AGO1: variants seen among roughly 807,000 people sequenced by gnomAD.
AGO1 encodes protein argonaute-1.
In AGO1, 11 loss-of-function variants were observed where a neutral mutation model predicts 109.2. The observed-to-expected ratio is 0.10, with a 90% CI of 0.06 to 0.17. The LOEUF is 0.17. Among genes scored for constraint, AGO1 ranks in the 10% least tolerant of loss-of-function variants. The pLI is 1.00. For missense variants in AGO1, 574 were observed against 1,140.3 expected (o/e 0.50, Z 7.15); for synonymous variants, 422 against 418.6 (o/e 1.01, Z -0.10).
At chr1:35,876,409 G>A (rs1644993117) in intron 1 of AGO1, among the ~76,000 whole-genome samples, 1 of 151,996 alleles carries the variant, frequency 6.6e-6, no homozygotes, top group Admixed American at 6.6e-5. Context: ...TGGGACTACA[G>A]GCGCCTGCCA....
chr1:35,919,466 C>G lies in AGO1; in HGVS notation c.2466-33C>G. On this transcript the variant is annotated intron_variant, in intron 18 of 18. Transcript: ENST00000373204. The surrounding 1 kb of genome is among the most constrained non-coding windows in gnomAD (Gnocchi z 6.6). ...GAATTAGCAGCAGCTCTCAGTTCACCAGGAAGGACTTCTTTCATTTTTTCC... is the reference window on the plus strand; with the variant it reads ...GAATTAGCAGCAGCTCTCAGTTCACGAGGAAGGACTTCTTTCATTTTTTCC... 1 of 1,584,466 alleles carries G rather than the reference C, an allele frequency of 6.3e-7. No individual in the cohort carries two copies.
intron 3 of AGO1, 100 bp from the exon 4 acceptor site, chr1:35,892,996 CT>C (rs1327535349): frequency 8.2e-7 from 1 of 1,214,272 alleles, no homozygotes; most frequent in East Asian, 2.5e-5. Context: ...TTATGAGCCC[CT>C]ATCAACTTGA....
rs1263224418 is a variant in AGO1 at position 35,929,681 on chromosome 1, G to A, written c.*10074G>A. 3 of 152,180 alleles carry A rather than the reference G, an allele frequency of 2.0e-5. No individual in the cohort carries two copies. Among genetic ancestry groups the A allele is most frequent in the Admixed American group, 6.5e-5 (1 of 15,284 alleles). 9.4% of individuals were successfully genotyped at this position (152,180 alleles called of 1,614,324 possible). ...GGGTATTTTCAGCCATGGGGGTAGG[G>A]ATGTGAAAGAAGAAGAAAGTAAGAA... is the stretch of plus-strand genomic sequence containing the variant. On this transcript the variant is annotated 3_prime_UTR_variant, in exon 19 of 19. Coordinates refer to ENST00000373204, the MANE Select transcript of AGO1 (RefSeq NM_012199.5).
Position 35,883,330 on chromosome 1 carries a change from G to T in AGO1, c.-92G>T. 6.5e-7 allele frequency: 1 copy of T among 1,526,786 alleles called. No homozygotes were observed. The highest frequency in any genetic ancestry group is 8.7e-7 in the Non-Finnish European group (1 of 1,144,154). The allele number at this position is 1,526,786 out of a possible 1,614,324, so 94.6% of individuals were successfully genotyped here. A position where few individuals can be genotyped will look rare whatever the true frequency, so the allele number is the denominator to read the frequency against. ...TGGTAGGGGAGCCGAGCCCGGCCCG[G>T]GATCCCGAGCAGCGAGAGTGTGGGG... is the stretch of plus-strand genomic sequence containing the variant. On this transcript the variant is annotated 5_prime_UTR_variant, in exon 1 of 19. Transcript: ENST00000373204. This position sits in a 1 kb window ranked among gnomAD's most constrained non-coding sequence, Gnocchi z 5.4.
intron 1 of AGO1, among the ~76,000 whole-genome samples, chr1:35,884,092 C>CCCCG (rs1645079364): frequency 1.3e-5 from 2 of 151,308 alleles, no homozygotes; most frequent in Non-Finnish European, 3.0e-5. Context: ...TCTCCACACC[C>CCCCG]CCCCGCCCCG....
chr1:35,918,497 C>G (rs112641178), intron 17 of AGO1, 74 bp downstream of exon 17: 2 of 1,146,782 alleles, frequency 1.7e-6, no homozygotes, highest in African/African-American at 3.0e-5. Context: ...TAGAATGTAT[C>G]AGTCATCACT....
chr1:35,926,590 G>A lies in AGO1; in HGVS notation c.*6983G>A, dbSNP rs1645932343. On this transcript the variant is annotated 3_prime_UTR_variant, in exon 19 of 19. Transcript: ENST00000373204. The stretch of plus-strand genomic sequence containing the variant: ...ATCCTTAAGCTGCTGTCTACTGCCT[G>A]AATGGGAAGTAATGTCGAATTGGAA... 4 of 152,308 alleles carry A rather than the reference G, an allele frequency of 2.6e-5. 1 individual carries two copies. In the South Asian group the frequency reaches 8.3e-4, roughly 32 times the overall value. The allele number at this position is 152,308 out of a possible 1,614,324, so 9.4% of individuals were successfully genotyped here.
In AGO1 at chr1:35,893,933, C is replaced by A; in HGVS notation, c.650-104C>A. 6.6e-7 allele frequency: 1 copy of A among 1,524,052 alleles called. No individual in the cohort carries two copies. Among genetic ancestry groups the A allele is most frequent in the Non-Finnish European group, 8.8e-7 (1 of 1,131,488 alleles). 94.4% of individuals were successfully genotyped at this position (1,524,052 alleles called of 1,614,324 possible). On this transcript the variant is annotated intron_variant, in intron 5 of 18. Transcript: ENST00000373204. The surrounding 1 kb of genome is among the most constrained non-coding windows in gnomAD (Gnocchi z 5.6). The stretch of plus-strand genomic sequence containing the variant: ...ATTCCTACAGCCCTGGCACCCCCTT[C>A]CCCCATCCCAATGCCCTTTAAGGAA...
chr1:35,927,435 A>G lies in AGO1; in HGVS notation c.*7828A>G, dbSNP rs752823385. ...GTTTATCCTCACGCCAGTTCGCCTC[A>G]TGGTCCCAATATGGCTACTGTAATT... is the stretch of plus-strand genomic sequence containing the variant. On this transcript the variant is annotated 3_prime_UTR_variant, in exon 19 of 19. Transcript: ENST00000373204. The G allele has an allele frequency of 1.3e-5, 2 of 152,234 alleles. No individual in the cohort carries two copies. The highest frequency in any genetic ancestry group is 3.4e-3 in the Middle Eastern group (1 of 294). 9.4% of individuals were successfully genotyped at this position (152,234 alleles called of 1,614,324 possible).
In AGO1 at chr1:35,888,967, G is replaced by A. The variant is rs1645166870; in HGVS notation, c.209+357G>A. 6.6e-6 allele frequency among the ~76,000 whole-genome samples: 1 copy of A among 152,118 alleles called. No homozygotes were observed. The highest frequency in any genetic ancestry group is 2.4e-5 in the African/African-American group (1 of 41,408). The stretch of plus-strand genomic sequence containing the variant: ...TTTACAGATTAAGGAGAAGGAGCTA[G>A]TAAAGAGGGAGAGGTTAAAGGTATG... On this transcript the variant is annotated intron_variant, in intron 2 of 18. Transcript: ENST00000373204. The surrounding 1 kb of genome is among the most constrained non-coding windows in gnomAD (Gnocchi z 4.1).
At chr1:35,897,133 A>T (rs1645334740) in intron 8 of AGO1, among the ~76,000 whole-genome samples, 1 of 152,198 alleles carries the variant, frequency 6.6e-6, no homozygotes, top group African/African-American at 2.4e-5. Context: ...GAAGGGGGAG[A>T]TAGACAATAA....
At chr1:35,914,430 T>C (rs1202242327) in intron 14 of AGO1, among the ~76,000 whole-genome samples, 156 bp downstream of exon 14, 1 of 152,212 alleles carries the variant, frequency 6.6e-6, no homozygotes, top group African/African-American at 2.4e-5. Context: ...TGATATCTCA[T>C]AAAGGTAGCT....
chr1:35,912,861 C>T (rs957084679), intron 12 of AGO1, among the ~76,000 whole-genome samples: 18 of 152,154 alleles, frequency 1.2e-4, no homozygotes, highest in Non-Finnish European at 2.1e-4. Flanking sequence ...CGTAAGCCAC[C>T]GTGCCCGGCT....
intron 6 of AGO1, 21 bp from the exon 7 acceptor site, chr1:35,894,294 C>T (rs1645277565): frequency 6.2e-7 from 1 of 1,613,474 alleles, no homozygotes; most frequent in African/African-American, 1.3e-5. Flanking sequence ...TTAGCCCTGA[C>T]AAGCAGTGTG....
chr1:35,888,924 G>T lies in AGO1; in HGVS notation c.209+314G>T, dbSNP rs115969356. Among the ~76,000 whole-genome samples, 373 of 152,294 alleles carry T rather than the reference G, an allele frequency of 2.4e-3. 2 individuals carry two copies. Among genetic ancestry groups the T allele is most frequent in the African/African-American group, 8.7e-3 (361 of 41,544 alleles). ...AGTTGAATGAATAAAGAGTTTTAAAGAATGAGATATGGGTATGTTTACAGA... is the reference window on the plus strand; with the variant it reads ...AGTTGAATGAATAAAGAGTTTTAAATAATGAGATATGGGTATGTTTACAGA... On this transcript the variant is annotated intron_variant, in intron 2 of 18. Transcript: ENST00000373204. The surrounding 1 kb of genome is among the most constrained non-coding windows in gnomAD (Gnocchi z 4.1).
chr1:35,917,473 A>G, intron 15 of AGO1, 120 bp from the exon 16 acceptor site: 4 of 1,172,114 alleles, frequency 3.4e-6, no homozygotes, highest in East Asian at 2.4e-5. Flanking sequence ...GCATCAGCAT[A>G]TAAAGGGAGA....
intron 1 of AGO1, among the ~76,000 whole-genome samples, chr1:35,876,677 A>G (rs1644995625): frequency 6.6e-6 from 1 of 152,242 alleles, no homozygotes; most frequent in Non-Finnish European, 1.5e-5. Flanking sequence ...AGAATATTGC[A>G]TAAACCTAGT....
chr1:35,890,287 T>G (rs1375234852), intron 2 of AGO1, among the ~76,000 whole-genome samples: 1 of 152,154 alleles, frequency 6.6e-6, no homozygotes. Flanking sequence ...CCTTCCAAAG[T>G]GCTGGGATTA....
chr1:35,894,250 G>A, intron 6 of AGO1, 65 bp from the exon 7 acceptor site: 1 of 1,602,828 alleles, frequency 6.2e-7, no homozygotes, highest in Non-Finnish European at 8.5e-7. Flanking sequence ...ATGCTCAGGG[G>A]AGAGACCAAG....
Sources: gnomAD v4.1 joint callset for allele counts (sites outside exome capture counted in the v4.1 genomes callset) on GRCh38, gnomAD v4.1.1 for gene constraint, Gnocchi (gnomAD v3.1) non-coding constraint, MANE v1.5 for transcripts, NCBI Gene and HGNC (gene_info 2026-07-23, HGNC 2026-07-21) for gene names.